Variants in AUTS2 observed in about 807,000 individuals in gnomAD.
AUTS2 encodes the protein autism susceptibility gene 2 protein.
In AUTS2, 17 loss-of-function variants were observed where a neutral mutation model predicts 112.4. That is an observed-to-expected ratio of 0.15 (90% CI 0.10 to 0.23). The LOEUF is 0.23. Ranked by LOEUF, AUTS2 falls within the 10% of genes least tolerant of loss-of-function variation. The pLI, the probability that AUTS2 is intolerant of heterozygous loss-of-function variation, is 1.00. For missense variants in AUTS2, 1,510 were observed against 1,701.6 expected, an observed-to-expected ratio of 0.89 and a Z score of 1.98; for synonymous variants, 751 against 702.7, an observed-to-expected ratio of 1.07 and a Z score of -1.09.
intron 1 of AUTS2, among the ~76,000 whole-genome samples, chr7:69,810,015 G>A (rs1790478517): frequency 6.6e-6 from 1 of 152,250 alleles, no homozygotes; most frequent in South Asian, 2.1e-4. Context: ...TCTGGTTGAT[G>A]TTCAGCATCC....
At chr7:70,584,550 T>G (rs1006266834) in intron 5 of AUTS2, among the ~76,000 whole-genome samples, 1 of 152,324 alleles carries the variant, frequency 6.6e-6, no homozygotes, top group South Asian at 2.1e-4. Context: ...TGCATCCTAA[T>G]GCCTAAATAC....
At chr7:69,882,434 A>C (rs1386905192) in intron 1 of AUTS2, among the ~76,000 whole-genome samples, 1 of 152,190 alleles carries the variant, frequency 6.6e-6, no homozygotes, top group Non-Finnish European at 1.5e-5. Context: ...ACCCCAAGGC[A>C]ACACTATAAG....
Position 70,747,520 on chromosome 7 carries a change from G to A in AUTS2, c.743-15350G>A, listed in dbSNP as rs1407678873. Among the ~76,000 whole-genome samples, 8 of 152,284 alleles carry A rather than the reference G, an allele frequency of 5.3e-5. No individual in the cohort carries two copies. The South Asian group carries it at 8.3e-4, about 16-fold the overall frequency. On this transcript the variant is annotated intron_variant, in intron 6 of 18. Transcript: ENST00000342771. ...GTCGCCCAGGCTAGAATGCAATGGC[G>A]CAATCTCAGCTCACTGCGGCCTCCA...
intron 6 of AUTS2, among the ~76,000 whole-genome samples, chr7:70,739,136 C>T (rs1054492124): frequency 6.8e-6 from 1 of 147,274 alleles, no homozygotes; most frequent in Non-Finnish European, 1.5e-5. Context: ...AAACAATCCT[C>T]CTGCTTCAGC....
At chr7:70,253,226 G>A (rs1347550719) in intron 4 of AUTS2, among the ~76,000 whole-genome samples, 2 of 152,000 alleles carry the variant, frequency 1.3e-5, no homozygotes, top group Non-Finnish European at 2.9e-5. Context: ...ATGTCATTTT[G>A]TATCTACTCT....
chr7:70,392,930 A>T (rs973151227), intron 4 of AUTS2, among the ~76,000 whole-genome samples: 2 of 152,224 alleles, frequency 1.3e-5, no homozygotes, highest in African/African-American at 4.8e-5. Context: ...AGTTAAACTT[A>T]GAGAGGTTTT....
chr7:69,756,642 CT>C (rs1422952855), intron 1 of AUTS2, among the ~76,000 whole-genome samples: 1 of 144,448 alleles, frequency 6.9e-6, no homozygotes, highest in African/African-American at 2.6e-5. Flanking sequence ...AATTTCTTTT[CT>C]TTGAATAATA....
chr7:70,460,489 T>TA (rs1796920712), intron 5 of AUTS2, among the ~76,000 whole-genome samples: 1 of 151,928 alleles, frequency 6.6e-6, no homozygotes, highest in Non-Finnish European at 1.5e-5. Flanking sequence ...TAGCTGGGAT[T>TA]ACAGGCATGT....
At chr7:69,806,967 G>C (rs986188474) in intron 1 of AUTS2, among the ~76,000 whole-genome samples, 1 of 150,748 alleles carries the variant, frequency 6.6e-6, no homozygotes, top group African/African-American at 2.5e-5. Context: ...TTTAAAATCT[G>C]AGTGTAAATT....
chr7:69,965,552 A>G (rs1797604479), intron 2 of AUTS2, among the ~76,000 whole-genome samples: 2 of 152,166 alleles, frequency 1.3e-5, no homozygotes, highest in African/African-American at 4.8e-5. Flanking sequence ...GGTTGAGGAT[A>G]AGGAAAACTT....
intron 6 of AUTS2, among the ~76,000 whole-genome samples, chr7:70,735,430 G>A (rs1019194318): frequency 6.6e-6 from 1 of 152,188 alleles, no homozygotes; most frequent in African/African-American, 2.4e-5. Context: ...GGGAGGACGG[G>A]TGGCTTCTAG....
chr7:70,331,857 A>T (rs944914992), intron 4 of AUTS2, among the ~76,000 whole-genome samples: 3 of 152,198 alleles, frequency 2.0e-5, no homozygotes, highest in East Asian at 1.9e-4. Context: ...ACCCACAGAC[A>T]TACTGAATGG....
intron 1 of AUTS2, among the ~76,000 whole-genome samples, chr7:69,728,909 C>A (rs575691794): frequency 4.6e-5 from 7 of 152,168 alleles, no homozygotes; most frequent in African/African-American, 1.7e-4. Context: ...TTAAAAAATT[C>A]AAACGAACAT....
intron 2 of AUTS2, among the ~76,000 whole-genome samples, chr7:69,921,304 T>C (rs542072083): frequency 6.6e-6 from 1 of 151,144 alleles, no homozygotes. Context: ...GTATGTCTTC[T>C]GGTTTTAGTA....
At chr7:69,819,084 G>T (rs1790878521) in intron 1 of AUTS2, among the ~76,000 whole-genome samples, 1 of 152,160 alleles carries the variant, frequency 6.6e-6, no homozygotes, top group African/African-American at 2.4e-5. Flanking sequence ...TTGTGGAAAT[G>T]GTACAGTGGG....
At chr7:70,418,168 G>C (rs1333708361) in intron 4 of AUTS2, among the ~76,000 whole-genome samples, 1 of 151,502 alleles carries the variant, frequency 6.6e-6, no homozygotes, top group African/African-American at 2.4e-5. Context: ...GAACTCCAGG[G>C]CTTAAGGGAT....
At chr7:70,494,578 C>T (rs1329124878) in intron 5 of AUTS2, among the ~76,000 whole-genome samples, 1 of 152,040 alleles carries the variant, frequency 6.6e-6, no homozygotes, top group Non-Finnish European at 1.5e-5. Flanking sequence ...ACCGCCCCTC[C>T]CCCCCGACAC....
At chr7:69,861,870 ATAACTTGTT>A (rs1793000592) in intron 1 of AUTS2, among the ~76,000 whole-genome samples, 1 of 152,160 alleles carries the variant, frequency 6.6e-6, no homozygotes, top group African/African-American at 2.4e-5. Context: ...AGATGGCAGG[ATAACTTGTT>A]TAGACTTTTG....
intron 5 of AUTS2, among the ~76,000 whole-genome samples, chr7:70,577,620 A>C (rs529931347): frequency 1.3e-5 from 2 of 152,324 alleles, no homozygotes; most frequent in South Asian, 4.1e-4. Context: ...TGGGTTGATC[A>C]ACAAGGTTGA....
Sources: allele counts gnomAD v4.1 joint callset (sites outside exome capture counted in the v4.1 genomes callset), GRCh38; gene constraint gnomAD v4.1.1; transcripts MANE v1.5; gene names NCBI Gene and HGNC (gene_info 2026-07-23, HGNC 2026-07-21).